RERE: variants seen among roughly 807,000 people sequenced by gnomAD.
The protein encoded by RERE is arginine-glutamic acid dipeptide repeats protein.
In RERE, 40 loss-of-function variants were observed where a neutral mutation model predicts 146.1. That is an observed-to-expected ratio of 0.27 (90% CI 0.21 to 0.36). The LOEUF (loss-of-function observed/expected upper bound fraction) is 0.36, where lower values mean the gene tolerates loss of function less well. Among genes scored for constraint, RERE ranks in the 10% least tolerant of loss-of-function variants. The pLI is 1.00. For missense variants in RERE, 1,933 were observed against 2,138.7 expected (o/e 0.90, Z 1.90); for synonymous variants, 1,003 against 866.0 (o/e 1.16, Z -2.78).
At chr1:8,522,940 C>G (rs886790562) in intron 7 of RERE, among the ~76,000 whole-genome samples, 1 of 151,300 alleles carries the variant, frequency 6.6e-6, no homozygotes, top group Non-Finnish European at 1.5e-5. Context: ...CTTTGGGAGG[C>G]CAAGGCAGCA....
intron 1 of RERE, among the ~76,000 whole-genome samples, chr1:8,712,504 T>TAA (rs1639688404): frequency 6.6e-6 from 1 of 152,206 alleles, no homozygotes; most frequent in Non-Finnish European, 1.5e-5. Flanking sequence ...GATTATAATG[T>TAA]AAAGCATGTT....
At chr1:8,638,850 G>A (rs933169901) in intron 2 of RERE, among the ~76,000 whole-genome samples, 3 of 140,012 alleles carry the variant, frequency 2.1e-5, no homozygotes, top group African/African-American at 2.7e-5. Context: ...GTGCAGTGGC[G>A]CGAAGCTCCG....
chr1:8,761,068 T>G (rs537715068), intron 1 of RERE, among the ~76,000 whole-genome samples: 1 of 152,292 alleles, frequency 6.6e-6, no homozygotes, highest in South Asian at 2.1e-4. Context: ...AACCCAATCC[T>G]TCTGTTCTCA....
chr1:8,772,045 C>A (rs1640964072), intron 1 of RERE, among the ~76,000 whole-genome samples: 1 of 151,690 alleles, frequency 6.6e-6, no homozygotes, highest in Admixed American at 6.6e-5. Flanking sequence ...TGTACATGTA[C>A]ATATGTAATA....
chr1:8,672,037 G>A (rs1342372896), intron 1 of RERE, among the ~76,000 whole-genome samples: 2 of 152,120 alleles, frequency 1.3e-5, no homozygotes, highest in Non-Finnish European at 2.9e-5. Context: ...ACTTTGGGAG[G>A]CTGAGGCAGG....
At chr1:8,648,521 T>A (rs928108335) in intron 2 of RERE, among the ~76,000 whole-genome samples, 2 of 152,216 alleles carry the variant, frequency 1.3e-5, no homozygotes, top group African/African-American at 2.4e-5. Context: ...CGTGAGCCAC[T>A]GCACCTGACC....
At chr1:8,699,714 A>T (rs1347551540) in intron 1 of RERE, among the ~76,000 whole-genome samples, 1 of 152,240 alleles carries the variant, frequency 6.6e-6, no homozygotes, top group African/African-American at 2.4e-5. Flanking sequence ...CATTTTCTAT[A>T]TAAGTTACAA....
intron 10 of RERE, among the ~76,000 whole-genome samples, chr1:8,475,005 T>C (rs1170935202): frequency 2.6e-5 from 4 of 152,238 alleles, no homozygotes; most frequent in Non-Finnish European, 5.9e-5. Context: ...AAATTCTTCA[T>C]ATAGTTTTAA....
intron 12 of RERE, among the ~76,000 whole-genome samples, chr1:8,407,791 A>G (rs1040201110): frequency 1.3e-5 from 2 of 152,214 alleles, no homozygotes; most frequent in Non-Finnish European, 2.9e-5. Flanking sequence ...ACCTTTTTAA[A>G]GCTGCAGCCA....
At chr1:8,648,946 A>G (rs1647457900) in intron 2 of RERE, among the ~76,000 whole-genome samples, 1 of 147,872 alleles carries the variant, frequency 6.8e-6, no homozygotes, top group African/African-American at 2.5e-5. Flanking sequence ...TTATCCAAAT[A>G]GCAAGCAATA....
At chr1:8,596,467 T>A (rs559545421) in intron 4 of RERE, among the ~76,000 whole-genome samples, 1 of 152,346 alleles carries the variant, frequency 6.6e-6, no homozygotes, top group Admixed American at 6.5e-5. Flanking sequence ...TATTTTCTCT[T>A]ACAGACAAAC....
chr1:8,401,923 T>A (rs889316334), intron 12 of RERE, among the ~76,000 whole-genome samples: 4 of 152,098 alleles, frequency 2.6e-5, no homozygotes, highest in Non-Finnish European at 5.9e-5. Flanking sequence ...TGGAGTGCAG[T>A]GGCATGATCT....
At chr1:8,610,742 C>A (rs989108158) in intron 4 of RERE, among the ~76,000 whole-genome samples, 10 of 151,950 alleles carry the variant, frequency 6.6e-5, no homozygotes, top group African/African-American at 2.2e-4. Context: ...TTTGCAACAA[C>A]CCTTTGTCAT....
intron 2 of RERE, among the ~76,000 whole-genome samples, chr1:8,630,885 T>A (rs1647027244): frequency 6.6e-6 from 1 of 152,240 alleles, no homozygotes; most frequent in African/African-American, 2.4e-5. Flanking sequence ...GATTCTAAAC[T>A]TGGTGGGAAA....
In RERE at chr1:8,662,857, C is replaced by T. The variant is rs531503659; in HGVS notation, c.-144-6416G>A. The stretch of plus-strand genomic sequence containing the variant: ...GGCAAATCACTCTACCTGTCTGAGT[C>T]GCAGTTTCATTGCTGTAAAAGGGGA... On this transcript the variant is annotated intron_variant, in intron 1 of 22. Transcript: ENST00000400908. 1.1e-4 allele frequency among the ~76,000 whole-genome samples: 17 copies of T among 152,296 alleles called. No homozygotes were observed. In the East Asian group the frequency reaches 3.1e-3, roughly 28 times the overall value.
chr1:8,526,284 A>T (rs2124354430), intron 7 of RERE, among the ~76,000 whole-genome samples: 1 of 124,780 alleles, frequency 8.0e-6, no homozygotes, highest in African/African-American at 3.0e-5. Flanking sequence ...GCACAACAGC[A>T]AGTTTTGTCT....
intron 2 of RERE, among the ~76,000 whole-genome samples, chr1:8,654,401 G>T (rs1040971744): frequency 3.9e-5 from 6 of 152,126 alleles, no homozygotes; most frequent in African/African-American, 1.4e-4. Flanking sequence ...AACTTGACGT[G>T]AAGTTCATAA....
At chr1:8,779,204 T>G (rs2124558285) in intron 1 of RERE, among the ~76,000 whole-genome samples, 1 of 152,098 alleles carries the variant, frequency 6.6e-6, no homozygotes, top group African/African-American at 2.4e-5. Context: ...AGGAAATAAT[T>G]GTAAATATGA....
At chr1:8,470,422 C>T (rs1434840651) in intron 10 of RERE, among the ~76,000 whole-genome samples, 2 of 151,896 alleles carry the variant, frequency 1.3e-5, no homozygotes, top group Non-Finnish European at 2.9e-5. Flanking sequence ...CCACCACGCC[C>T]GGCTAATTTT....
Sources: gnomAD v4.1 joint callset for allele counts (sites outside exome capture counted in the v4.1 genomes callset) on GRCh38, gnomAD v4.1.1 for gene constraint, MANE v1.5 for transcripts, NCBI Gene and HGNC (gene_info 2026-07-23, HGNC 2026-07-21) for gene names.